Variants in SLC24A2 observed in about 807,000 individuals in gnomAD.
SLC24A2 encodes sodium/potassium/calcium exchanger 2.
In SLC24A2, 36 loss-of-function variants were observed where a neutral mutation model predicts 62.0. That is an observed-to-expected ratio of 0.58 (90% CI 0.44 to 0.77). The LOEUF (loss-of-function observed/expected upper bound fraction) is 0.77. Among genes scored for constraint, SLC24A2 ranks in the 30% least tolerant of loss-of-function variants. The probability of loss-of-function intolerance (pLI) is 0.00; values close to 1 mark genes in which losing one functional copy is unlikely to be tolerated. For synonymous variants in SLC24A2, 358 were observed against 294.0 expected, an observed-to-expected ratio of 1.22 and a Z score of -2.23; for missense variants, 846 against 817.9, an observed-to-expected ratio of 1.03 and a Z score of -0.42.
the SLC24A2 span, among the ~76,000 whole-genome samples, chr9:19,999,280 T>C: frequency 6.6e-6 from 1 of 152,242 alleles, no homozygotes; most frequent in African/African-American, 2.4e-5. Flanking sequence ...TGAAGACTTG[T>C]GGTTCCTGTA....
At chr9:19,793,451 G>A (rs3949859), upstream of SLC24A2, among the ~76,000 whole-genome samples, 98,601 of 152,144 alleles carry the variant, frequency 0.65, 37,470 homozygotes, top group Non-Finnish European at 0.85. Context: ...ATTTTCAAGG[G>A]AGCAAGAAAG....
At chr9:20,244,098 G>A in the SLC24A2 span, among the ~76,000 whole-genome samples, 2 of 152,104 alleles carry the variant, frequency 1.3e-5, no homozygotes, top group Non-Finnish European at 2.9e-5. Context: ...GGCCACTTTG[G>A]ACTAATTCCT....
At chr9:19,711,515 C>G (rs1587199576) in intron 2 of SLC24A2, among the ~76,000 whole-genome samples, 1 of 152,202 alleles carries the variant, frequency 6.6e-6, no homozygotes, top group Non-Finnish European at 1.5e-5. Context: ...TGAGGATAAA[C>G]TCTACTGATT....
chr9:19,773,284 T>C (rs902909958), intron 2 of SLC24A2, among the ~76,000 whole-genome samples: 2 of 152,152 alleles, frequency 1.3e-5, no homozygotes, highest in Non-Finnish European at 1.5e-5. Context: ...CACTGAATTA[T>C]ACAACTAGGG....
the SLC24A2 span, among the ~76,000 whole-genome samples, chr9:19,905,644 C>A: frequency 6.6e-6 from 1 of 152,082 alleles, no homozygotes; most frequent in African/African-American, 2.4e-5. Context: ...AACTCCCAAC[C>A]TCAGCCTCCC....
At chr9:20,160,524 A>G in the SLC24A2 span, among the ~76,000 whole-genome samples, 4 of 151,424 alleles carry the variant, frequency 2.6e-5, no homozygotes, top group Non-Finnish European at 4.4e-5. Context: ...ACAAAAATTG[A>G]TATGGTAGTT....
intron 8 of SLC24A2, among the ~76,000 whole-genome samples, chr9:19,528,829 C>G (rs931058997): frequency 2.6e-5 from 4 of 152,164 alleles, no homozygotes; most frequent in African/African-American, 7.2e-5. Flanking sequence ...AGACATTGCT[C>G]TCAAGAATGT....
the SLC24A2 span, among the ~76,000 whole-genome samples, chr9:20,237,093 G>A: frequency 6.6e-6 from 1 of 152,120 alleles, no homozygotes; most frequent in Non-Finnish European, 1.5e-5. Context: ...GGGGGCTCAG[G>A]GCAAGATGGA....
At chr9:20,237,257 G>A in the SLC24A2 span, among the ~76,000 whole-genome samples, 1 of 152,182 alleles carries the variant, frequency 6.6e-6, no homozygotes, top group East Asian at 1.9e-4. Flanking sequence ...CATCATCCTT[G>A]ATAATAATGG....
chr9:19,547,154 A>ATATT (rs369266222), intron 8 of SLC24A2, among the ~76,000 whole-genome samples: 64 of 152,206 alleles, frequency 4.2e-4, no homozygotes, highest in Admixed American at 1.4e-3. Flanking sequence ...TGCTCAATAA[A>ATATT]TATTTGTGAA....
chr9:20,020,105 G>A, the SLC24A2 span, among the ~76,000 whole-genome samples: 7 of 152,238 alleles, frequency 4.6e-5, no homozygotes, highest in East Asian at 3.9e-4. Flanking sequence ...AAATAGGAAC[G>A]CTCTTACACT....
the SLC24A2 span, among the ~76,000 whole-genome samples, chr9:19,857,414 G>T: frequency 3.3e-5 from 5 of 152,174 alleles, no homozygotes; most frequent in African/African-American, 1.2e-4. Flanking sequence ...AAATCTCCAG[G>T]TTCTGCAGAT....
Position 19,654,674 on chromosome 9 carries a change from C to G in SLC24A2, c.931-32375G>C, listed in dbSNP as rs187707357. On this transcript the variant is annotated intron_variant, in intron 2 of 10. Coordinates refer to ENST00000341998, the MANE Select transcript of SLC24A2 (RefSeq NM_020344.4). The stretch of plus-strand genomic sequence containing the variant: ...TTCTTTGTGACCTCCTTGAGAGTAG[C>G]TGTCCTTTTTTTTCATTTACCTATG... 5.3e-5 allele frequency among the ~76,000 whole-genome samples: 8 copies of G among 152,274 alleles called. No homozygotes were observed. The East Asian group carries it at 1.5e-3, about 29-fold the overall frequency.
intron 10 of SLC24A2, among the ~76,000 whole-genome samples, chr9:19,517,113 T>C (rs1282402732): frequency 6.6e-6 from 1 of 152,196 alleles, no homozygotes; most frequent in African/African-American, 2.4e-5. Context: ...TGAGGATCTC[T>C]TGTGTTTCCT....
At chr9:19,953,335 G>C in the SLC24A2 span, among the ~76,000 whole-genome samples, 344 of 152,066 alleles carry the variant, frequency 2.3e-3, 6 homozygotes, top group East Asian at 0.06. Flanking sequence ...ACAAAACAAG[G>C]AAAAATATTT....
At chr9:20,036,923 G>C in the SLC24A2 span, among the ~76,000 whole-genome samples, 1 of 82,174 alleles carries the variant, frequency 1.2e-5, no homozygotes, top group African/African-American at 6.0e-5. Context: ...TATACATGGA[G>C]TTTTGCTCGT....
the SLC24A2 span, among the ~76,000 whole-genome samples, chr9:19,922,543 C>T: frequency 2.0e-5 from 3 of 152,286 alleles, no homozygotes; most frequent in South Asian, 4.1e-4. Flanking sequence ...AGAATGACAG[C>T]TATGAAAAAT....
chr9:19,662,362 G>C (rs1819126604), intron 2 of SLC24A2, among the ~76,000 whole-genome samples: 1 of 152,170 alleles, frequency 6.6e-6, no homozygotes, highest in African/African-American at 2.4e-5. Context: ...GGGCTGAGTA[G>C]CCATGTGTAT....
chr9:19,670,718 G>A (rs1819389819), intron 2 of SLC24A2, among the ~76,000 whole-genome samples: 1 of 152,186 alleles, frequency 6.6e-6, no homozygotes, highest in Non-Finnish European at 1.5e-5. Context: ...TTAGGATGAA[G>A]AGGCAGACAT....
Sources: allele counts gnomAD v4.1 joint callset (sites outside exome capture counted in the v4.1 genomes callset), GRCh38; gene constraint gnomAD v4.1.1; transcripts MANE v1.5; gene names NCBI Gene and HGNC (gene_info 2026-07-23, HGNC 2026-07-21).